Variants in ELP1 observed in about 807,000 individuals in gnomAD.
ELP1 encodes the protein elongator acetyltransferase complex subunit 1.
ELP1 carries 131 observed loss-of-function variants against 183.2 expected under a neutral mutation model. The observed-to-expected ratio is 0.72, with a 90% CI of 0.62 to 0.83. ELP1 has a LOEUF of 0.83. ELP1 is among the 40% of genes least tolerant of loss of function. The pLI is 0.00. For synonymous variants in ELP1, 555 were observed against 569.0 expected, an observed-to-expected ratio of 0.98 and a Z score of 0.35; for missense variants, 1,550 against 1,594.9, an observed-to-expected ratio of 0.97 and a Z score of 0.48.
At chr9:108,913,245 A>T (rs1473338099) in intron 10 of ELP1, among the ~76,000 whole-genome samples, 1 of 152,228 alleles carries the variant, frequency 6.6e-6, no homozygotes, top group African/African-American at 2.4e-5. Context: ...TATTGGGCTT[A>T]AGATGCTTAT....
At chr9:108,896,424 C>T in intron 25 of ELP1, 72 bp downstream of exon 25, 5 of 1,434,044 alleles carry the variant, frequency 3.5e-6, no homozygotes, top group Admixed American at 1.7e-5. Context: ...TACTGCACTA[C>T]CAGAAGCAGG....
At chr9:108,919,388 T>G in intron 6 of ELP1, 39 bp from the exon 7 acceptor site, 1 of 1,364,650 alleles carries the variant, frequency 7.3e-7, no homozygotes, top group South Asian at 1.2e-5. Context: ...CTGGGGGACC[T>G]TAAGTATCCC....
At chr9:108,869,371 C>T (rs1827351617) in intron 36 of ELP1, among the ~76,000 whole-genome samples, 189 bp from the exon 37 acceptor site, 1 of 152,156 alleles carries the variant, frequency 6.6e-6, no homozygotes, top group Non-Finnish European at 1.5e-5. Context: ...AGGCCCCGCC[C>T]TGAGAGGAGG....
At position 108,878,124 on chromosome 9, in the gene ELP1, T is replaced by C. The variant is rs1346420568; in HGVS notation, c.3726A>G (p.Val1242=). 1 of 1,610,368 alleles carries C rather than the reference T, an allele frequency of 6.2e-7. No homozygotes were observed. The change falls in exon 35 of 37, where the codon GTA becomes GTG. Residue 1242 remains valine (V), a synonymous_variant. Transcript: ENST00000374647. ...LKDEVYHILK[V]LFLFEFDEQG... Reference sequence around the variant, plus strand: ...GTTCATCAAACTCAAAGAGAAAGAGTACCTTTAAAATATGGTATACTTCAT... The same window carrying C: ...GTTCATCAAACTCAAAGAGAAAGAGCACCTTTAAAATATGGTATACTTCAT...
At chr9:108,927,146 A>G (rs1829847270) in intron 4 of ELP1, among the ~76,000 whole-genome samples, 1 of 152,214 alleles carries the variant, frequency 6.6e-6, no homozygotes, top group African/African-American at 2.4e-5. Context: ...ACTTTTTATA[A>G]TGATAGACTA....
At chr9:108,905,648 C>T (rs184590722) in intron 14 of ELP1, among the ~76,000 whole-genome samples, 8 of 152,186 alleles carry the variant, frequency 5.3e-5, no homozygotes, top group East Asian at 1.9e-4. Context: ...GATGGGGATA[C>T]GTCTGAGAAA....
chr9:108,890,589 C>A (rs1215041665), intron 28 of ELP1, among the ~76,000 whole-genome samples: 1 of 152,190 alleles, frequency 6.6e-6, no homozygotes, highest in East Asian at 1.9e-4. Flanking sequence ...GCCCCTGGTA[C>A]CAGCCTCGCC....
Position 108,878,745 on chromosome 9 carries a change from G to C in ELP1, c.3578C>G (p.Ser1193Ter). The change falls in exon 34 of 37, where the codon TCA becomes TGA. Residue 1193 changes from serine (S) to a stop codon, truncating the protein, a stop_gained. Coordinates refer to ENST00000374647, the MANE Select transcript of ELP1 (RefSeq NM_003640.5). LOFTEE classifies it high-confidence loss of function. ...CTCCGCTTTTCGGCGATTCTTGGAT[G>C]ATCTCCTGTTAGAAATTACACAGAT... The part of the protein sequence containing the change: ...SHSNSRISAR[S>*]SKNRRKAERK... 1 of 1,614,070 alleles carries C rather than the reference G, an allele frequency of 6.2e-7. No homozygotes were observed. The highest frequency in any genetic ancestry group is 8.5e-7 in the Non-Finnish European group (1 of 1,180,024).
chr9:108,920,686 C>CTTT lies in ELP1; in HGVS notation c.553-1338_553-1337insAAA, dbSNP rs546442489. Among the ~76,000 whole-genome samples, 388 of 151,994 alleles carry CTTT rather than the reference C, an allele frequency of 2.6e-3. 3 individuals carry two copies. The highest frequency in any genetic ancestry group is 8.7e-3 in the African/African-American group (360 of 41,466). Reference sequence around the variant, plus strand: ...ACTTAAAAAATCAAAGTAAATTATGCTCACATGAGTACTTGTATCTGCCTA... The same window carrying CTTT: ...ACTTAAAAAATCAAAGTAAATTATGCTTTTCACATGAGTACTTGTATCTGCCTA... On this transcript the variant is annotated intron_variant, in intron 6 of 36. Coordinates refer to ENST00000374647, the MANE Select transcript of ELP1 (RefSeq NM_003640.5).
Position 108,904,290 on chromosome 9 carries a change from T to C in ELP1, c.1644-621A>G, listed in dbSNP as rs566354117. On this transcript the variant is annotated intron_variant, in intron 14 of 36. Coordinates refer to ENST00000374647, the MANE Select transcript of ELP1 (RefSeq NM_003640.5). Reference sequence around the variant, plus strand: ...ACAGTGTCTTGCTCTGTTGCCCAGGTTGAAATGCAGTTGACACAATCACAG... The same window carrying C: ...ACAGTGTCTTGCTCTGTTGCCCAGGCTGAAATGCAGTTGACACAATCACAG... Among the ~76,000 whole-genome samples, 193 of 146,738 alleles carry C rather than the reference T, an allele frequency of 1.3e-3. 1 individual carries two copies. The highest frequency in any genetic ancestry group is 9.0e-3 in the South Asian group (41 of 4,576).
chr9:108,927,262 C>G, intron 4 of ELP1, 110 bp downstream of exon 4: 1 of 824,648 alleles, frequency 1.2e-6, no homozygotes. Context: ...TGGTATTATA[C>G]TGGTTCAAAG....
chr9:108,868,973 A>C lies in ELP1; in HGVS notation c.*142T>G, dbSNP rs1827334392. The stretch of plus-strand genomic sequence containing the variant: ...AAATAGAATTGCTTGTTGTCTGCTG[A>C]AGTTCTTGGCAATGCTAAGGTAAGT... On this transcript the variant is annotated 3_prime_UTR_variant, in exon 37 of 37. Coordinates refer to ENST00000374647, the MANE Select transcript of ELP1 (RefSeq NM_003640.5). 1.3e-6 allele frequency: 1 copy of C among 748,516 alleles called. No homozygotes were observed. Among genetic ancestry groups the C allele is most frequent in the African/African-American group, 1.7e-5 (1 of 58,520 alleles). 46.4% of individuals were successfully genotyped at this position (748,516 alleles called of 1,614,324 possible). A position where few individuals can be genotyped will look rare whatever the true frequency, so the allele number is the denominator to read the frequency against.
chr9:108,902,873 C>T lies in ELP1; in HGVS notation c.1820G>A (p.Cys607Tyr), dbSNP rs146077661. 2 of 1,613,838 alleles carry T rather than the reference C, an allele frequency of 1.2e-6. No homozygotes were observed. The highest frequency in any genetic ancestry group is 2.7e-5 in the African/African-American group (2 of 74,904). The change falls in exon 16 of 37, where the codon TGC becomes TAC. Residue 607 changes from cysteine to tyrosine, a missense_variant. Coordinates refer to ENST00000374647, the MANE Select transcript of ELP1 (RefSeq NM_003640.5). ...GGFPVRFPYP[C>Y]TQTELAMIGE... ...AATCATGGCCAATTCGGTCTGGGTG[C>T]ATGGATAAGGAAACCGAACAGGAAA... is the stretch of plus-strand genomic sequence containing the variant.
intron 29 of ELP1, among the ~76,000 whole-genome samples, chr9:108,883,198 CTGTTGTCCAGGCTGAAGTGCAG>C (rs1827997982): frequency 6.6e-6 from 1 of 152,192 alleles, no homozygotes. Context: ...GGGTCTTGTT[CTGTTGTCCAGGCTGAAGTGCAG>C]TGGCGTGAAC....
At chr9:108,924,628 T>C (rs1360339960) in intron 5 of ELP1, among the ~76,000 whole-genome samples, 1 of 152,144 alleles carries the variant, frequency 6.6e-6, no homozygotes, top group Non-Finnish European at 1.5e-5. Flanking sequence ...CAGCATCTGC[T>C]CCCTGAGACA....
Position 108,882,295 on chromosome 9 carries a change from G to A in ELP1, c.3223-108C>T. 3.5e-6 allele frequency: 3 copies of A among 849,836 alleles called. No individual in the cohort carries two copies. The South Asian group carries it at 4.1e-5, about 12-fold the overall frequency. The allele number at this position is 849,836 out of a possible 1,614,324, so 52.6% of individuals were successfully genotyped here. A position where few individuals can be genotyped will look rare whatever the true frequency, so the allele number is the denominator to read the frequency against. Reference sequence around the variant, plus strand: ...CCTGCCTCTATCTCCCTGGCCAGGGGAGAACTCCTAGTTCTCAACATCATG... The same window carrying A: ...CCTGCCTCTATCTCCCTGGCCAGGGAAGAACTCCTAGTTCTCAACATCATG... On this transcript the variant is annotated intron_variant, in intron 29 of 36. Coordinates refer to ENST00000374647, the MANE Select transcript of ELP1 (RefSeq NM_003640.5).
intron 13 of ELP1, 59 bp from the exon 14 acceptor site, chr9:108,906,544 G>A (rs761912015): frequency 3.9e-5 from 56 of 1,433,572 alleles, no homozygotes; most frequent in East Asian, 9.2e-5. Context: ...CCACTGAGAC[G>A]TTCCTGGATG....
At chr9:108,908,113 A>T (rs142752349) in intron 13 of ELP1, among the ~76,000 whole-genome samples, 192 bp downstream of exon 13, 4 of 152,310 alleles carry the variant, frequency 2.6e-5, no homozygotes, top group African/African-American at 9.6e-5. Flanking sequence ...CCTGCTACCT[A>T]TCAAATTATA....
intron 35 of ELP1, among the ~76,000 whole-genome samples, chr9:108,876,104 T>C (rs1827696917): frequency 6.6e-6 from 1 of 151,986 alleles, no homozygotes; most frequent in Non-Finnish European, 1.5e-5. Context: ...GGTGACACCC[T>C]GTCTCTACAG....
Sources: gnomAD v4.1 joint callset for allele counts (sites outside exome capture counted in the v4.1 genomes callset) on GRCh38, gnomAD v4.1.1 for gene constraint, MANE v1.5 for transcripts, NCBI Gene and HGNC (gene_info 2026-07-23, HGNC 2026-07-21) for gene names.